RSRC1: variants seen among roughly 807,000 people sequenced by gnomAD.
The protein encoded by RSRC1 is serine/Arginine-related protein 53.
In RSRC1, 39 loss-of-function variants were observed where a neutral mutation model predicts 49.1. The observed-to-expected ratio is 0.79, with a 90% CI of 0.61 to 1.04. The LOEUF (loss-of-function observed/expected upper bound fraction) is 1.04, where lower values mean the gene tolerates loss of function less well. RSRC1 is among the 50% of genes least tolerant of loss of function. The pLI is 0.00. For missense variants in RSRC1, 388 were observed against 402.4 expected (o/e 0.96, Z 0.31); for synonymous variants, 143 against 130.8 (o/e 1.09, Z -0.63).
intron 4 of RSRC1, among the ~76,000 whole-genome samples, chr3:158,240,410 C>G (rs1238818214): frequency 6.6e-6 from 1 of 151,668 alleles, no homozygotes; most frequent in Non-Finnish European, 1.5e-5. Context: ...GTTTTTAAAC[C>G]CAGGAATGGG....
At chr3:158,137,507 A>T (rs1040098186) in intron 3 of RSRC1, among the ~76,000 whole-genome samples, 8 of 151,990 alleles carry the variant, frequency 5.3e-5, no homozygotes, top group African/African-American at 1.2e-4. Context: ...CTTTAAAGTC[A>T]AAATTCATTG....
rs530548266 is a variant in RSRC1, at chr3:158,135,495, G to A, written c.320+11504G>A. 2.1e-5 allele frequency among the ~76,000 whole-genome samples: 3 copies of A among 139,620 alleles called. No homozygotes were observed. In the South Asian group the frequency reaches 6.9e-4, roughly 32 times the overall value. The allele number at this position is 139,620 out of a possible 152,430, so 91.6% of individuals were successfully genotyped here. A position where few individuals can be genotyped will look rare whatever the true frequency, so the allele number is the denominator to read the frequency against. ...GGGTTTTACCATGTTGGCCAGGCTG[G>A]TCTCAAACTCCTGACCTCAAGTGAT... On this transcript the variant is annotated intron_variant, in intron 3 of 9. Transcript: ENST00000611884.
intron 5 of RSRC1, among the ~76,000 whole-genome samples, chr3:158,353,222 C>G (rs1730971060): frequency 6.6e-6 from 1 of 152,196 alleles, no homozygotes; most frequent in Non-Finnish European, 1.5e-5. Flanking sequence ...CTCCTTGCCT[C>G]TAGACACATT....
At chr3:158,314,190 A>G (rs1728278111) in intron 5 of RSRC1, among the ~76,000 whole-genome samples, 1 of 152,092 alleles carries the variant, frequency 6.6e-6, no homozygotes. Flanking sequence ...TCCCTGATTC[A>G]AGCTATTCTC....
At chr3:158,485,805 TC>T (rs1401996455) in intron 7 of RSRC1, among the ~76,000 whole-genome samples, 3 of 152,282 alleles carry the variant, frequency 2.0e-5, no homozygotes, top group Middle Eastern at 3.4e-3. Context: ...TTCACTGACT[TC>T]CAGTTTTCGT....
In RSRC1 at chr3:158,250,008, C is replaced by G. The variant is rs948686331; in HGVS notation, c.494+46763C>G. Among the ~76,000 whole-genome samples the G allele has an allele frequency of 3.3e-5, 5 of 152,118 alleles. No individual in the cohort carries two copies. The South Asian group carries it at 8.3e-4, about 25-fold the overall frequency. On this transcript the variant is annotated intron_variant, in intron 4 of 9. Coordinates refer to ENST00000611884, the MANE Select transcript of RSRC1 (RefSeq NM_001271838.2). ...CCTCTAGTAAGCATCATTGTACTCT[C>G]TCCATGAATTCAATTGTTTTAATTT...
intron 7 of RSRC1, among the ~76,000 whole-genome samples, chr3:158,518,149 T>TATATA (rs1491305666): frequency 1.3e-5 from 1 of 74,386 alleles, no homozygotes; most frequent in Non-Finnish European, 2.6e-5. Context: ...TATATATATA[T>TATATA]TTTTTTTTTT....
At chr3:158,487,979 C>T (rs1191554011) in intron 7 of RSRC1, among the ~76,000 whole-genome samples, 1 of 48,602 alleles carries the variant, frequency 2.1e-5, no homozygotes, top group Admixed American at 1.9e-4. Flanking sequence ...AAAAAACTGG[C>T]TGAATGGGTT....
intron 6 of RSRC1, among the ~76,000 whole-genome samples, chr3:158,435,012 T>C (rs897946914): frequency 2.6e-5 from 4 of 151,918 alleles, no homozygotes; most frequent in African/African-American, 9.7e-5. Context: ...TCATTAAGTG[T>C]TTTTTATTTA....
intron 6 of RSRC1, among the ~76,000 whole-genome samples, chr3:158,407,951 C>T (rs1176100656): frequency 6.6e-6 from 1 of 152,158 alleles, no homozygotes; most frequent in African/African-American, 2.4e-5. Flanking sequence ...AGACAAGAGA[C>T]AGCTGTTCTG....
intron 6 of RSRC1, among the ~76,000 whole-genome samples, chr3:158,361,263 T>C (rs1050230292): frequency 6.6e-6 from 1 of 152,120 alleles, no homozygotes; most frequent in Non-Finnish European, 1.5e-5. Flanking sequence ...AGGACGGCTG[T>C]GTTGCTGGCC....
chr3:158,375,880 T>C (rs568720293), intron 6 of RSRC1, among the ~76,000 whole-genome samples: 1 of 152,310 alleles, frequency 6.6e-6, no homozygotes, highest in East Asian at 1.9e-4. Flanking sequence ...AATGAGCGTC[T>C]TTCATATGCC....
chr3:158,202,628 A>G (rs1457730000), intron 3 of RSRC1, among the ~76,000 whole-genome samples: 2 of 143,018 alleles, frequency 1.4e-5, no homozygotes, highest in Admixed American at 1.4e-4. Flanking sequence ...ACTTCTTAGT[A>G]TTTTACTGTA....
At chr3:158,242,552 T>C (rs1723654053) in intron 4 of RSRC1, among the ~76,000 whole-genome samples, 1 of 152,156 alleles carries the variant, frequency 6.6e-6, no homozygotes, top group African/African-American at 2.4e-5. Context: ...TTATATTCCT[T>C]TGGGTATATA....
At chr3:158,511,802 A>C (rs912047298) in intron 7 of RSRC1, among the ~76,000 whole-genome samples, 4 of 151,724 alleles carry the variant, frequency 2.6e-5, no homozygotes, top group African/African-American at 9.7e-5. Context: ...CTAACTTTTT[A>C]ATGATTGCCA....
rs536123591 is a variant in RSRC1 at position 158,185,891 on chromosome 3, T to A, written c.321-17181T>A. 2.0e-5 allele frequency among the ~76,000 whole-genome samples: 3 copies of A among 152,122 alleles called. No individual in the cohort carries two copies. In the South Asian group the frequency reaches 6.2e-4, roughly 31 times the overall value. ...TTAAATGACACTGACCTCATTTCCT[T>A]TAGAACAATGAAAATTAATAGTTTC... On this transcript the variant is annotated intron_variant, in intron 3 of 9. Transcript: ENST00000611884.
intron 7 of RSRC1, among the ~76,000 whole-genome samples, chr3:158,464,730 A>C (rs948000424): frequency 1.3e-5 from 2 of 152,170 alleles, no homozygotes; most frequent in Non-Finnish European, 2.9e-5. Context: ...GGTGGTTGCC[A>C]GACAATGTTC....
intron 6 of RSRC1, among the ~76,000 whole-genome samples, chr3:158,388,628 T>TTTTTTTG (rs1162371742): frequency 1.4e-5 from 2 of 145,336 alleles, no homozygotes; most frequent in African/African-American, 5.1e-5. Flanking sequence ...TTTTTTTTTT[T>TTTTTTTG]GAGACTGAGT....
At chr3:158,144,308 C>T (rs529701583) in intron 3 of RSRC1, among the ~76,000 whole-genome samples, 102 of 152,126 alleles carry the variant, frequency 6.7e-4, no homozygotes, top group African/African-American at 2.3e-3. Context: ...CAACAGTCCC[C>T]GGTGTGTGAT....
Sources: gnomAD v4.1 joint callset for allele counts (sites outside exome capture counted in the v4.1 genomes callset) on GRCh38, gnomAD v4.1.1 for gene constraint, MANE v1.5 for transcripts, NCBI Gene and HGNC (gene_info 2026-07-23, HGNC 2026-07-21) for gene names.